Variants in SLC39A9 observed in about 807,000 individuals in gnomAD.
SLC39A9 encodes the protein solute carrier family 39 member 9.
In SLC39A9, 14 loss-of-function variants were observed where a neutral mutation model predicts 28.4. The observed-to-expected ratio is 0.49, with a 90% CI of 0.33 to 0.77. The LOEUF (loss-of-function observed/expected upper bound fraction) is 0.77. SLC39A9 is among the 30% of genes least tolerant of loss of function. SLC39A9 has a pLI of 0.02. For synonymous variants in SLC39A9, 119 were observed against 149.6 expected (o/e 0.80, Z 1.49); for missense variants, 283 against 381.1 (o/e 0.74, Z 2.14).
In SLC39A9 at chr14:69,440,110, A is replaced by G. The variant is rs901907274; in HGVS notation, c.206-1959A>G. ...GGAGAAGTGCTAAATGAAGAGGGGA[A>G]GGGCCCCTTAAAAACCATCAGATCT... On this transcript the variant is annotated intron_variant, in intron 2 of 6. Coordinates refer to ENST00000336643, the MANE Select transcript of SLC39A9 (RefSeq NM_018375.5). 2.0e-5 allele frequency among the ~76,000 whole-genome samples: 3 copies of G among 149,020 alleles called. No individual in the cohort carries two copies. The South Asian group carries it at 6.6e-4, about 33-fold the overall frequency.
chr14:69,401,878 A>C (rs538325641), intron 1 of SLC39A9, among the ~76,000 whole-genome samples: 1 of 152,234 alleles, frequency 6.6e-6, no homozygotes, highest in Non-Finnish European at 1.5e-5. Flanking sequence ...TAGGATTTCT[A>C]TCTCCTAGGA....
chr14:69,443,549 TGTG>T (rs1019511133), intron 3 of SLC39A9, among the ~76,000 whole-genome samples: 1 of 152,196 alleles, frequency 6.6e-6, no homozygotes, highest in African/African-American at 2.4e-5. Context: ...TGATATTACT[TGTG>T]GTTTATTGTC....
At chr14:69,441,178 G>A (rs949543785) in intron 2 of SLC39A9, among the ~76,000 whole-genome samples, 18 of 152,154 alleles carry the variant, frequency 1.2e-4, no homozygotes, top group African/African-American at 4.3e-4. Flanking sequence ...TTACTTGGGA[G>A]GCTGAGGTAG....
chr14:69,426,939 CAT>C (rs1483117543), intron 2 of SLC39A9, among the ~76,000 whole-genome samples: 4 of 151,732 alleles, frequency 2.6e-5, no homozygotes, highest in East Asian at 3.9e-4. Flanking sequence ...CACACACACA[CAT>C]ACATAAAATA....
At chr14:69,407,374 G>A (rs1311984387) in intron 1 of SLC39A9, among the ~76,000 whole-genome samples, 1 of 127,904 alleles carries the variant, frequency 7.8e-6, no homozygotes, top group Non-Finnish European at 1.6e-5. Context: ...TTTCACTCTT[G>A]TTGCCCAGGC....
chr14:69,448,803 T>C (rs185628201), intron 3 of SLC39A9, among the ~76,000 whole-genome samples: 21 of 152,366 alleles, frequency 1.4e-4, no homozygotes, highest in Admixed American at 9.8e-4. Flanking sequence ...TAAGAAAATA[T>C]CTTTTCTCTT....
At chr14:69,409,965 TA>T (rs1183098138) in intron 1 of SLC39A9, among the ~76,000 whole-genome samples, 1 of 152,194 alleles carries the variant, frequency 6.6e-6, no homozygotes, top group Non-Finnish European at 1.5e-5. Context: ...GGAAAAGGTA[TA>T]TTTACTATTT....
chr14:69,412,786 A>G (rs1883344885), intron 1 of SLC39A9, among the ~76,000 whole-genome samples: 1 of 152,224 alleles, frequency 6.6e-6, no homozygotes, highest in African/African-American at 2.4e-5. Context: ...GACAAACAGT[A>G]AACATAGTGT....
At chr14:69,403,380 A>AGG (rs1230960233) in intron 1 of SLC39A9, among the ~76,000 whole-genome samples, 1 of 152,158 alleles carries the variant, frequency 6.6e-6, no homozygotes, top group Non-Finnish European at 1.5e-5. Flanking sequence ...TGATTATCTG[A>AGG]GGGTTGTTAC....
In SLC39A9 at chr14:69,461,662, C is replaced by G. The variant is rs1377402985; in HGVS notation, c.*3069C>G. 5.9e-6 allele frequency: 9 copies of G among 1,535,296 alleles called. No homozygotes were observed. The highest frequency in any genetic ancestry group is 1.4e-5 in the African/African-American group (1 of 72,956). ...GTGTTTTTTTTTTACCAGCCTACTT[C>G]TAAGTGTCACTGCCTGGTTTTTCTC... On this transcript the variant is annotated 3_prime_UTR_variant, in exon 7 of 7. Transcript: ENST00000336643.
chr14:69,413,082 C>T (rs1379670368), intron 1 of SLC39A9, among the ~76,000 whole-genome samples: 3 of 152,220 alleles, frequency 2.0e-5, no homozygotes, highest in East Asian at 1.9e-4. Context: ...CTCGGCCAGG[C>T]GCAGTGGCTC....
At chr14:69,440,770 T>TTCAAGC (rs1266754368) in intron 2 of SLC39A9, among the ~76,000 whole-genome samples, 1 of 152,116 alleles carries the variant, frequency 6.6e-6, no homozygotes, top group African/African-American at 2.4e-5. Context: ...GACTCCCTGG[T>TTCAAGC]TCAAGCGATT....
At chr14:69,437,332 T>C (rs571889525) in intron 2 of SLC39A9, among the ~76,000 whole-genome samples, 1 of 152,308 alleles carries the variant, frequency 6.6e-6, no homozygotes, top group East Asian at 1.9e-4. Context: ...CACTACCTCT[T>C]AGCAACCTCT....
At chr14:69,450,416 A>C (rs1885550059) in intron 3 of SLC39A9, among the ~76,000 whole-genome samples, 1 of 152,160 alleles carries the variant, frequency 6.6e-6, no homozygotes, top group Non-Finnish European at 1.5e-5. Context: ...CCTCCTCAGT[A>C]AGTTGAAAGA....
intron 2 of SLC39A9, among the ~76,000 whole-genome samples, chr14:69,431,165 T>C (rs1412890991): frequency 6.6e-6 from 1 of 152,222 alleles, no homozygotes; most frequent in African/African-American, 2.4e-5. Context: ...GTGTTGTAAT[T>C]TTAGCATACA....
chr14:69,454,926 T>C, intron 5 of SLC39A9, 29 bp downstream of exon 5: 1 of 1,531,312 alleles, frequency 6.5e-7, no homozygotes, highest in African/African-American at 1.4e-5. Flanking sequence ...TAAGGTTTGG[T>C]ATTGAGTGTA....
rs1371494294 is a variant in SLC39A9 at position 69,454,788 on chromosome 14, A to G, written c.473-24A>G. ...TTGTTGTTGTTGTTTATAGTATTTT[A>G]TGTTTCCTTGTTTCCAAATATAGCT... On this transcript the variant is annotated intron_variant, in intron 4 of 6. Transcript: ENST00000336643. The G allele has an allele frequency of 1.9e-6, 3 of 1,596,246 alleles. No individual in the cohort carries two copies. In the Admixed American group the frequency reaches 5.0e-5, roughly 27 times the overall value.
intron 1 of SLC39A9, among the ~76,000 whole-genome samples, chr14:69,418,474 A>G (rs1047833813): frequency 3.9e-5 from 6 of 151,994 alleles, no homozygotes; most frequent in Admixed American, 3.9e-4. Context: ...TGGTATCAGG[A>G]TGATGCTGGC....
chr14:69,438,697 G>A (rs367871543), intron 2 of SLC39A9, among the ~76,000 whole-genome samples: 1 of 152,130 alleles, frequency 6.6e-6, no homozygotes, highest in Admixed American at 6.5e-5. Context: ...AAAATTCTTT[G>A]GACTGTTAGA....
Sources: gnomAD v4.1 joint callset for allele counts (sites outside exome capture counted in the v4.1 genomes callset) on GRCh38, gnomAD v4.1.1 for gene constraint, MANE v1.5 for transcripts, NCBI Gene and HGNC (gene_info 2026-07-23, HGNC 2026-07-21) for gene names.